The following KCNIP4 variants were observed in gnomAD, a reference collection of about 807,000 sequenced individuals.
KCNIP4 encodes the protein Kv channel-interacting protein 4.
KCNIP4 carries 12 observed loss-of-function variants against 34.0 expected under a neutral mutation model. The observed-to-expected ratio is 0.35, with a 90% CI of 0.23 to 0.57. KCNIP4 has a LOEUF of 0.57. Among genes scored for constraint, KCNIP4 ranks in the 20% least tolerant of loss-of-function variants. The probability of loss-of-function intolerance (pLI) is 0.83; values close to 1 mark genes in which losing one functional copy is unlikely to be tolerated. For synonymous variants in KCNIP4, 124 were observed against 102.2 expected (o/e 1.21, Z -1.29); for missense variants, 238 against 311.7 (o/e 0.76, Z 1.78).
At chr4:21,715,063 T>C (rs1192228537) in intron 1 of KCNIP4, among the ~76,000 whole-genome samples, 1 of 65,778 alleles carries the variant, frequency 1.5e-5, no homozygotes, top group Non-Finnish European at 2.3e-5. Context: ...TATTTTATTT[T>C]ATTTTATTTT....
intron 1 of KCNIP4, among the ~76,000 whole-genome samples, chr4:21,700,186 T>C (rs1311717146): frequency 1.3e-5 from 2 of 152,228 alleles, no homozygotes; most frequent in Non-Finnish European, 2.9e-5. Flanking sequence ...TGTACTATTA[T>C]AATTTACATT....
chr4:21,044,089 C>A (rs1338940253), intron 1 of KCNIP4, among the ~76,000 whole-genome samples: 1 of 152,130 alleles, frequency 6.6e-6, no homozygotes, highest in Non-Finnish European at 1.5e-5. Flanking sequence ...ATTGGCCCCA[C>A]TCACTGCTGG....
chr4:20,763,661 T>C (rs1025850243), intron 3 of KCNIP4, among the ~76,000 whole-genome samples: 1 of 152,174 alleles, frequency 6.6e-6, no homozygotes, highest in Non-Finnish European at 1.5e-5. Flanking sequence ...TGTGGCATGT[T>C]TGAAAGATAC....
At chr4:21,552,845 G>C (rs1248136624) in intron 1 of KCNIP4, among the ~76,000 whole-genome samples, 2 of 152,012 alleles carry the variant, frequency 1.3e-5, no homozygotes, top group Non-Finnish European at 2.9e-5. Flanking sequence ...AAATAAAGAA[G>C]ACAAGAAAGC....
At chr4:20,868,190 A>T (rs550035214) in intron 2 of KCNIP4, among the ~76,000 whole-genome samples, 59 of 152,224 alleles carry the variant, frequency 3.9e-4, no homozygotes, top group African/African-American at 1.3e-3. Context: ...GGCAAAGGAC[A>T]TGAATCAACA....
At chr4:21,420,645 G>A (rs1725379581) in intron 1 of KCNIP4, among the ~76,000 whole-genome samples, 1 of 152,090 alleles carries the variant, frequency 6.6e-6, no homozygotes, top group African/African-American at 2.4e-5. Context: ...TCTTCTAAGT[G>A]GAATAACTGC....
intron 1 of KCNIP4, among the ~76,000 whole-genome samples, chr4:21,505,833 T>C (rs1012320345): frequency 1.5e-4 from 23 of 152,208 alleles, no homozygotes; most frequent in Admixed American, 1.1e-3. Context: ...CCAGATGTGG[T>C]GGCTCATGCC....
intron 1 of KCNIP4, among the ~76,000 whole-genome samples, chr4:21,381,092 G>A (rs1412036284): frequency 1.3e-5 from 2 of 152,158 alleles, no homozygotes; most frequent in Admixed American, 6.6e-5. Flanking sequence ...CTGGCAATGG[G>A]TTTAAGTAAA....
chr4:20,983,736 C>T, intron 1 of KCNIP4: 2 of 1,182,138 alleles, frequency 1.7e-6, no homozygotes, highest in South Asian at 1.4e-5. Context: ...AGTATTAAGG[C>T]TTCTTAACTT....
At chr4:20,730,932 A>AAATT (rs1230084394) in intron 8 of KCNIP4, among the ~76,000 whole-genome samples, 3 of 152,174 alleles carry the variant, frequency 2.0e-5, no homozygotes, top group Non-Finnish European at 4.4e-5. Flanking sequence ...TAATGTCACC[A>AAATT]AATTAATTCT....
intron 1 of KCNIP4, among the ~76,000 whole-genome samples, chr4:21,182,381 T>A (rs971880679): frequency 1.3e-5 from 2 of 151,938 alleles, no homozygotes; most frequent in Non-Finnish European, 1.5e-5. Flanking sequence ...CCATACATTT[T>A]CTTTTTCCTT....
At chr4:21,212,278 T>C (rs1485903202) in intron 1 of KCNIP4, among the ~76,000 whole-genome samples, 1 of 152,222 alleles carries the variant, frequency 6.6e-6, no homozygotes, top group Non-Finnish European at 1.5e-5. Context: ...CTAAGTTGTC[T>C]TAATCCATTC....
chr4:21,490,935 G>T (rs1411244130), intron 1 of KCNIP4, among the ~76,000 whole-genome samples: 1 of 152,082 alleles, frequency 6.6e-6, no homozygotes, highest in East Asian at 1.9e-4. Flanking sequence ...GAGACCTCAG[G>T]TTCTATGGGA....
chr4:21,475,000 C>CAAAAAAAAAA (rs10681441), intron 1 of KCNIP4, among the ~76,000 whole-genome samples: 2 of 105,682 alleles, frequency 1.9e-5, no homozygotes, highest in Non-Finnish European at 3.8e-5. Context: ...GACTCCATCT[C>CAAAAAAAAAA]GAAAAACAAA....
chr4:20,940,857 G>A (rs1048183239), intron 1 of KCNIP4, among the ~76,000 whole-genome samples: 2 of 152,128 alleles, frequency 1.3e-5, no homozygotes, highest in African/African-American at 2.4e-5. Flanking sequence ...CAGCTGAACC[G>A]CTGCTGTAAG....
At chr4:20,905,598 A>G (rs1577345259) in intron 1 of KCNIP4, among the ~76,000 whole-genome samples, 1 of 138,202 alleles carries the variant, frequency 7.2e-6, no homozygotes, top group South Asian at 2.2e-4. Flanking sequence ...TGCAACCTCT[A>G]CCTCCCAGTG....
At position 20,729,665 on chromosome 4, in the gene KCNIP4, G is replaced by GGAAATTAAATGCAGATGTCACTATATTA. The variant is rs1368047437; in HGVS notation, c.*389_*416dup. The GGAAATTAAATGCAGATGTCACTATATTA allele has an allele frequency of 6.5e-6, 1 of 153,628 alleles. No homozygotes were observed. Among genetic ancestry groups the GGAAATTAAATGCAGATGTCACTATATTA allele is most frequent in the Non-Finnish European group, 1.4e-5 (1 of 69,570 alleles). The allele number at this position is 153,628 out of a possible 1,614,324, so 9.5% of individuals were successfully genotyped here. ...AAACATGAAAATTAATTTAATTTCT[G>GGAAATTAAATGCAGATGTCACTATATTA]GAAATTAAATGCAGATGTCACTATA... is the stretch of plus-strand genomic sequence containing the variant. On this transcript the variant is annotated 3_prime_UTR_variant, in exon 9 of 9. Transcript: ENST00000382152.
chr4:21,548,360 A>G (rs1387492114), intron 1 of KCNIP4, among the ~76,000 whole-genome samples: 1 of 152,158 alleles, frequency 6.6e-6, no homozygotes, highest in Admixed American at 6.6e-5. Flanking sequence ...GTCTCTTTGC[A>G]TCAATAAAAC....
intron 6 of KCNIP4, 116 bp from the exon 7 acceptor site, chr4:20,732,901 A>ATTCT (rs1368936860): frequency 1.6e-6 from 1 of 639,104 alleles, no homozygotes; most frequent in African/African-American, 1.9e-5. Flanking sequence ...TGTTTGTTGG[A>ATTCT]TTCTTTGTTA....
Sources: gnomAD v4.1 joint callset for allele counts (sites outside exome capture counted in the v4.1 genomes callset) on GRCh38, gnomAD v4.1.1 for gene constraint, MANE v1.5 for transcripts, NCBI Gene and HGNC (gene_info 2026-07-23, HGNC 2026-07-21) for gene names.